The following PCDHA8 variants were observed in gnomAD, a reference collection of about 807,000 sequenced individuals.
The protein encoded by PCDHA8 is protocadherin alpha-8.
In PCDHA8, 53 loss-of-function variants were observed where a neutral mutation model predicts 61.8. That is an observed-to-expected ratio of 0.86 (90% CI 0.69 to 1.08). The LOEUF is 1.08. PCDHA8 is among the 50% of genes least tolerant of loss of function. The pLI is 0.00. For synonymous variants in PCDHA8, 618 were observed against 556.6 expected (o/e 1.11, Z -1.55); for missense variants, 1,293 against 1,245.0 (o/e 1.04, Z -0.58).
intron 1 of PCDHA8, chr5:140,969,209 A>G (rs1586360550): frequency 1.2e-6 from 2 of 1,614,194 alleles, no homozygotes; most frequent in Non-Finnish European, 1.7e-6. Context: ...AGGGGCCCAG[A>G]CAGGACCAGG....
At chr5:140,877,332 C>G (rs2057040352) in intron 1 of PCDHA8, 16 of 1,613,990 alleles carry the variant, frequency 9.9e-6, no homozygotes, top group Non-Finnish European at 1.4e-5. Flanking sequence ...GCGCGCACAT[C>G]CCGTTCCACG....
chr5:140,855,793 C>T (rs1383581085), intron 1 of PCDHA8: 1 of 456,918 alleles, frequency 2.2e-6, no homozygotes, highest in East Asian at 3.3e-5. Flanking sequence ...AAAGAATTAA[C>T]ATATGAATGA....
chr5:140,843,515 T>TGCCGGGCGGGC lies in PCDHA8; in HGVS notation c.2195_2205dup (p.Lys736AlafsTer54). 1 of 1,595,536 alleles carries TGCCGGGCGGGC rather than the reference T, an allele frequency of 6.3e-7. No individual in the cohort carries two copies. Among genetic ancestry groups the TGCCGGGCGGGC allele is most frequent in the Non-Finnish European group, 8.6e-7 (1 of 1,165,412 alleles). On this transcript the variant is annotated frameshift_variant, in exon 1 of 4. Transcript: ENST00000531613. LOFTEE classifies it high-confidence loss of function. The stretch of plus-strand genomic sequence containing the variant: ...CTCAGCACTGCCCACTGAGGGCGGG[T>TGCCGGGCGGGC]GCCGGGCGGGCAAGCCCACTCTGGT...
Position 140,857,884 on chromosome 5 carries a change from G to C in PCDHA8, c.2394+14169G>C, listed in dbSNP as rs782097827. 60 of 1,597,656 alleles carry C rather than the reference G, an allele frequency of 3.8e-5. 6 individuals carry two copies. Among genetic ancestry groups the C allele is most frequent in the Non-Finnish European group, 5.0e-5 (58 of 1,167,502 alleles). On this transcript the variant is annotated intron_variant, in intron 1 of 3. Transcript: ENST00000531613. ...CGTGGCTGTCGTATGAATTGCAGTC[G>C]GCGGCGGTTGGTGCACGCATCCCGT...
chr5:140,863,400 G>A, intron 1 of PCDHA8: 2 of 854,178 alleles, frequency 2.3e-6, no homozygotes, highest in Admixed American at 1.9e-5. Flanking sequence ...TGCCGGGCAA[G>A]CCCACGCTGG....
chr5:140,928,313 T>TG (rs1554205740), intron 1 of PCDHA8: 1 of 1,614,172 alleles, frequency 6.2e-7, no homozygotes, highest in Non-Finnish European at 8.5e-7. Flanking sequence ...GACCCCGACC[T>TG]GGGGAAGAAT....
At chr5:140,898,956 T>G (rs1352076218) in intron 1 of PCDHA8, among the ~76,000 whole-genome samples, 1 of 152,130 alleles carries the variant, frequency 6.6e-6, no homozygotes, top group African/African-American at 2.4e-5. Flanking sequence ...GAAGCAGTTG[T>G]GAATGGGAGT....
chr5:140,884,295 C>T, intron 1 of PCDHA8: 3 of 1,613,680 alleles, frequency 1.9e-6, no homozygotes, highest in South Asian at 2.2e-5. Context: ...GGCCAAGCGC[C>T]ACAGGCTTCG....
chr5:140,930,668 T>C (rs2087022080), intron 1 of PCDHA8, among the ~76,000 whole-genome samples: 1 of 152,216 alleles, frequency 6.6e-6, no homozygotes, highest in South Asian at 2.1e-4. Flanking sequence ...GTTTTACTAT[T>C]CTAGGCAATA....
intron 1 of PCDHA8, chr5:140,968,366 G>A (rs145153557): frequency 7.4e-6 from 12 of 1,614,078 alleles, no homozygotes; most frequent in Non-Finnish European, 1.0e-5. Flanking sequence ...CCTTTATGCT[G>A]TCAACTCCTT....
At position 140,856,129 on chromosome 5, in the gene PCDHA8, C is replaced by A. The variant is rs149039484; in HGVS notation, c.2394+12414C>A. Reference sequence around the variant, plus strand: ...TCCTCGCAGCCTGGGAGGTGGGGAGCGGCCAGCTCCACTACTCAGTCTACG... The same window carrying A: ...TCCTCGCAGCCTGGGAGGTGGGGAGAGGCCAGCTCCACTACTCAGTCTACG... On this transcript the variant is annotated intron_variant, in intron 1 of 3. Coordinates refer to ENST00000531613, the MANE Select transcript of PCDHA8 (RefSeq NM_018911.3). 3,312 of 1,598,096 alleles carry A rather than the reference C, an allele frequency of 2.1e-3. 297 individuals are homozygous for A. Among genetic ancestry groups the A allele is most frequent in the Non-Finnish European group, 2.6e-3 (3,056 of 1,167,792 alleles).
chr5:140,841,230 G>A lies in PCDHA8; in HGVS notation c.-92G>A. 2.1e-6 allele frequency: 3 copies of A among 1,461,326 alleles called. No individual in the cohort carries two copies. Among genetic ancestry groups the A allele is most frequent in the Non-Finnish European group, 2.8e-6 (3 of 1,085,772 alleles). The allele number at this position is 1,461,326 out of a possible 1,614,324, so 90.5% of individuals were successfully genotyped here. A position where few individuals can be genotyped will look rare whatever the true frequency, so the allele number is the denominator to read the frequency against. The stretch of plus-strand genomic sequence containing the variant: ...TGTCTCTAAAGGCCGAACAACGGGA[G>A]ATGCAGCGGAATTGGATTAAAAGAC... On this transcript the variant is annotated 5_prime_UTR_variant, in exon 1 of 4. Coordinates refer to ENST00000531613, the MANE Select transcript of PCDHA8 (RefSeq NM_018911.3).
rs2098418726 is a variant in PCDHA8 at position 141,010,899 on chromosome 5, C to T, written c.*962C>T. 2 of 153,680 alleles carry T rather than the reference C, an allele frequency of 1.3e-5. No individual in the cohort carries two copies. Among genetic ancestry groups the T allele is most frequent in the Admixed American group, 6.6e-5 (1 of 15,264 alleles). The allele number at this position is 153,680 out of a possible 1,614,324, so 9.5% of individuals were successfully genotyped here. ...TTTAAAGAGAAATATGAATACAATT[C>T]CCCTAAACTCTCCTCAAAAGAGAAT... On this transcript the variant is annotated 3_prime_UTR_variant, in exon 4 of 4. Coordinates refer to ENST00000531613, the MANE Select transcript of PCDHA8 (RefSeq NM_018911.3).
rs1386939569 is a variant in PCDHA8 at position 140,856,853 on chromosome 5, G to C, written c.2394+13138G>C. The C allele has an allele frequency of 6.9e-6, 11 of 1,594,152 alleles. 1 individual carries two copies. The highest frequency in any genetic ancestry group is 9.4e-6 in the Non-Finnish European group (11 of 1,164,260). ...AATACGGCTCAACGCTTCTGATTCG[G>C]ATGAAGGAATAAACAAGGAAATGAT... On this transcript the variant is annotated intron_variant, in intron 1 of 3. Coordinates refer to ENST00000531613, the MANE Select transcript of PCDHA8 (RefSeq NM_018911.3).
intron 1 of PCDHA8, among the ~76,000 whole-genome samples, chr5:140,911,947 G>A (rs559007219): frequency 1.4e-4 from 22 of 152,262 alleles, no homozygotes; most frequent in Non-Finnish European, 2.5e-4. Context: ...TATATATAAA[G>A]GGGAGGTTAC....
At position 140,896,169 on chromosome 5, in the gene PCDHA8, GT is replaced by G. The variant is rs1473218621; in HGVS notation, c.2394+52455del. Among the ~76,000 whole-genome samples, 40 of 152,274 alleles carry G rather than the reference GT, an allele frequency of 2.6e-4. 1 individual carries two copies. The East Asian group carries it at 5.2e-3, about 20-fold the overall frequency. ...TGATGGGCATTTAGGATTATTCTCT[GT>G]CTTTGCTATTGTGAATAGTGCCATG... is the stretch of plus-strand genomic sequence containing the variant. On this transcript the variant is annotated intron_variant, in intron 1 of 3. Transcript: ENST00000531613.
At position 141,011,373 on chromosome 5, in the gene PCDHA8, TAA is replaced by T. The variant is rs1299941460; in HGVS notation, c.*1437_*1438del. The T allele has an allele frequency of 1.3e-5, 2 of 153,792 alleles. No homozygotes were observed. Among genetic ancestry groups the T allele is most frequent in the Non-Finnish European group, 2.9e-5 (2 of 68,046 alleles). The allele number at this position is 153,792 out of a possible 1,614,324, so 9.5% of individuals were successfully genotyped here. A position where few individuals can be genotyped will look rare whatever the true frequency, so the allele number is the denominator to read the frequency against. The stretch of plus-strand genomic sequence containing the variant: ...CCCATATGTATGCTGTATGCTATGC[TAA>T]GACTCCTGAAATATACTTACTCTGT... On this transcript the variant is annotated 3_prime_UTR_variant, in exon 4 of 4. Coordinates refer to ENST00000531613, the MANE Select transcript of PCDHA8 (RefSeq NM_018911.3).
intron 2 of PCDHA8, among the ~76,000 whole-genome samples, chr5:140,979,661 GTCTC>G (rs2096859733): frequency 6.6e-6 from 1 of 152,146 alleles, no homozygotes; most frequent in South Asian, 2.1e-4. Context: ...TCTCTACTTT[GTCTC>G]TCTGACAGTA....
intron 1 of PCDHA8, among the ~76,000 whole-genome samples, chr5:140,973,724 G>T (rs1272606867): frequency 6.6e-6 from 1 of 152,176 alleles, no homozygotes; most frequent in Non-Finnish European, 1.5e-5. Context: ...CATCACATGG[G>T]CATCTGGTCT....
Sources: allele counts gnomAD v4.1 joint callset (sites outside exome capture counted in the v4.1 genomes callset), GRCh38; gene constraint gnomAD v4.1.1; transcripts MANE v1.5; gene names NCBI Gene and HGNC (gene_info 2026-07-23, HGNC 2026-07-21).